Variants in UPK1B observed in about 807,000 individuals in gnomAD.
UPK1B encodes uroplakin 1B, also known as uroplakin-1b.
Under a neutral mutation model 34.2 loss-of-function variants are expected in UPK1B, and 28 were observed. That is an observed-to-expected ratio of 0.82 (90% confidence interval 0.61 to 1.12). The LOEUF (loss-of-function observed/expected upper bound fraction) is 1.12. UPK1B is among the 50% of genes most tolerant of loss of function. UPK1B has a pLI of 0.00. For missense variants in UPK1B, 325 were observed against 320.9 expected (o/e 1.01, Z -0.10); for synonymous variants, 81 against 110.4 (o/e 0.73, Z 1.67).
intron 5 of UPK1B, 45 bp from the exon 6 acceptor site, chr3:119,194,174 G>A (rs2078056247): frequency 6.3e-7 from 1 of 1,598,486 alleles, no homozygotes; most frequent in South Asian, 1.1e-5. Flanking sequence ...GATGGCTCTA[G>A]TAGGGACCAC....
In UPK1B at chr3:119,203,980, G is replaced by A. The variant is rs768673308; in HGVS notation, c.*13G>A. 1.2e-5 allele frequency: 19 copies of A among 1,613,448 alleles called. No individual in the cohort carries two copies. The highest frequency in any genetic ancestry group is 1.6e-5 in the Non-Finnish European group (19 of 1,179,892). On this transcript the variant is annotated 3_prime_UTR_variant, in exon 8 of 8. Transcript: ENST00000264234. Reference sequence around the variant, plus strand: ...AATTGAATATTAAGCATAAAGTGTTGCCACCATACCTCCTTCCCCGAGTGA... The same window carrying A: ...AATTGAATATTAAGCATAAAGTGTTACCACCATACCTCCTTCCCCGAGTGA...
intron 2 of UPK1B, among the ~76,000 whole-genome samples, chr3:119,187,465 G>A (rs1444563489): frequency 6.6e-6 from 1 of 152,212 alleles, no homozygotes; most frequent in Non-Finnish European, 1.5e-5. Context: ...TGTGGGTCAT[G>A]ACATGGGGGC....
chr3:119,185,808 G>A (rs2078015262), intron 1 of UPK1B, among the ~76,000 whole-genome samples: 1 of 152,194 alleles, frequency 6.6e-6, no homozygotes, highest in Non-Finnish European at 1.5e-5. Flanking sequence ...AAGCCCAAGT[G>A]ATTGACCCAC....
chr3:119,203,994 T>C lies in UPK1B; in HGVS notation c.*27T>C, dbSNP rs2078107358. ...CATAAAGTGTTGCCACCATACCTCC[T>C]TCCCCGAGTGACTCTGGATTTGGTG... is the stretch of plus-strand genomic sequence containing the variant. On this transcript the variant is annotated 3_prime_UTR_variant, in exon 8 of 8. Transcript: ENST00000264234. The C allele has an allele frequency of 6.2e-7, 1 of 1,611,616 alleles. No homozygotes were observed. Among genetic ancestry groups the C allele is most frequent in the South Asian group, 1.1e-5 (1 of 91,044 alleles).
intron 2 of UPK1B, 41 bp downstream of exon 2, chr3:119,186,851 T>C (rs1559901665): frequency 6.3e-7 from 1 of 1,581,660 alleles, no homozygotes; most frequent in Non-Finnish European, 8.7e-7. Context: ...GCACTTCCTG[T>C]AATCATAATT....
Position 119,190,269 on chromosome 3 carries a change from T to G in UPK1B, c.295T>G (p.Tyr99Asp), listed in dbSNP as rs751501521. ...GTATTTCATTCTGATGTTTATAGTA[T>G]ATGCCTTTGAAGTGGCATCTTGTAT... is the stretch of plus-strand genomic sequence containing the variant. ...LAYFILMFIV[Y>D]AFEVASCITA... Residue 99 changes from tyrosine (Y) to aspartate (D), a missense_variant, in exon 4 of 8, where the codon TAT (tyrosine) becomes GAT (aspartate). Transcript: ENST00000264234. 8 of 1,612,242 alleles carry G rather than the reference T, an allele frequency of 5.0e-6. No individual in the cohort carries two copies. Among genetic ancestry groups the G allele is most frequent in the Non-Finnish European group, 6.8e-6 (8 of 1,178,752 alleles).
intron 1 of UPK1B, among the ~76,000 whole-genome samples, chr3:119,184,459 C>T (rs910930312): frequency 2.0e-5 from 3 of 151,988 alleles, no homozygotes; most frequent in African/African-American, 7.3e-5. Flanking sequence ...GTGGCTCACG[C>T]CTGTAATCCC....
chr3:119,192,568 C>A (rs1051757739), intron 5 of UPK1B, among the ~76,000 whole-genome samples: 1 of 152,048 alleles, frequency 6.6e-6, no homozygotes, highest in African/African-American at 2.4e-5. Context: ...CTCTTCTCAC[C>A]CTCCCTCTCA....
rs748323663 is a variant in UPK1B, at chr3:119,199,265, T to C, written c.732+125T>C. On this transcript the variant is annotated intron_variant, in intron 7 of 7. Coordinates refer to ENST00000264234, the MANE Select transcript of UPK1B (RefSeq NM_006952.4). ...ACAAAACCTCAGGCCTGAAGGCTAG[T>C]CAGGAAACTTCTGGCACCGGAAGAA... is the stretch of plus-strand genomic sequence containing the variant. 6 of 1,060,896 alleles carry C rather than the reference T, an allele frequency of 5.7e-6. No individual in the cohort carries two copies. The Admixed American group carries it at 1.5e-4, about 26-fold the overall frequency. The allele number at this position is 1,060,896 out of a possible 1,614,324, so 65.7% of individuals were successfully genotyped here.
At chr3:119,178,700 A>T (rs1559899834) in intron 1 of UPK1B, among the ~76,000 whole-genome samples, 1 of 152,228 alleles carries the variant, frequency 6.6e-6, no homozygotes, top group African/African-American at 2.4e-5. Flanking sequence ...TTAAAATCAC[A>T]AATTTTTATA....
chr3:119,183,327 T>C (rs1473813100), intron 1 of UPK1B, among the ~76,000 whole-genome samples: 2 of 150,040 alleles, frequency 1.3e-5, no homozygotes, highest in Non-Finnish European at 3.0e-5. Context: ...AGTGGCCCAA[T>C]CATGGCTCAC....
At chr3:119,185,796 A>T (rs2078015224) in intron 1 of UPK1B, among the ~76,000 whole-genome samples, 1 of 152,242 alleles carries the variant, frequency 6.6e-6, no homozygotes, top group Admixed American at 6.5e-5. Context: ...CTTCAAGTGC[A>T]GAAGCCCAAG....
In UPK1B at chr3:119,195,120, C is replaced by T. The variant is rs896946144; in HGVS notation, c.648+722C>T. On this transcript the variant is annotated intron_variant, in intron 6 of 7. Transcript: ENST00000264234. ...ACTAATAAATACCTTGCTGAGGTCA[C>T]ACAACTAGTAAATGTCCGTCTTTTC... 2.6e-5 allele frequency among the ~76,000 whole-genome samples: 4 copies of T among 152,298 alleles called. No homozygotes were observed. In the East Asian group the frequency reaches 7.7e-4, roughly 29 times the overall value.
chr3:119,179,474 C>T lies in UPK1B; in HGVS notation c.-29+5836C>T, dbSNP rs142289008. Among the ~76,000 whole-genome samples, 571 of 128,964 alleles carry T rather than the reference C, an allele frequency of 4.4e-3. 13 individuals are homozygous for T. Among genetic ancestry groups the T allele is most frequent in the Non-Finnish European group, 6.3e-3 (387 of 61,702 alleles). 84.6% of individuals were successfully genotyped at this position (128,964 alleles called of 152,430 possible). A position where few individuals can be genotyped will look rare whatever the true frequency, so the allele number is the denominator to read the frequency against. ...CGAAATCTATACAGCAGGTGGGCAA[C>T]CTGAAAATTTGGGGAAGAGTTGATG... On this transcript the variant is annotated intron_variant, in intron 1 of 7. Transcript: ENST00000264234.
intron 1 of UPK1B, among the ~76,000 whole-genome samples, chr3:119,179,527 T>TTTTTTTTTG (rs1553741698): frequency 7.6e-6 from 1 of 131,568 alleles, no homozygotes; most frequent in South Asian, 2.4e-4. Context: ...TTTTTTTTTT[T>TTTTTTTTTG]GAGACGGAGT....
At chr3:119,182,431 T>C (rs2077993784) in intron 1 of UPK1B, among the ~76,000 whole-genome samples, 1 of 152,236 alleles carries the variant, frequency 6.6e-6, no homozygotes, top group Non-Finnish European at 1.5e-5. Context: ...TAATTAATAG[T>C]TTCTTATATG....
chr3:119,190,973 C>CT lies in UPK1B; in HGVS notation c.346-8dup. On this transcript the variant is annotated splice_polypyrimidine_tract_variant and intron_variant, in intron 4 of 7. Transcript: ENST00000264234. ...TCTCTCCCTCTTGTGTTGCCTCTTCCTACTATAGTTCACACCCAACCTCTT... is the reference window on the plus strand; with the variant it reads ...TCTCTCCCTCTTGTGTTGCCTCTTCCTTACTATAGTTCACACCCAACCTCTT... 1 of 1,613,564 alleles carries CT rather than the reference C, an allele frequency of 6.2e-7. No homozygotes were observed. Among genetic ancestry groups the CT allele is most frequent in the Non-Finnish European group, 8.5e-7 (1 of 1,179,696 alleles).
chr3:119,181,881 G>A (rs770924629), intron 1 of UPK1B, among the ~76,000 whole-genome samples: 2 of 152,182 alleles, frequency 1.3e-5, no homozygotes, highest in Non-Finnish European at 2.9e-5. Flanking sequence ...AGGAAAGAAT[G>A]CAAAAGGGCA....
intron 1 of UPK1B, among the ~76,000 whole-genome samples, chr3:119,184,718 T>G (rs2107429082): frequency 6.6e-6 from 1 of 152,174 alleles, no homozygotes; most frequent in South Asian, 2.1e-4. Context: ...AGAGCAAGAC[T>G]CTGTCTCAAA....
Sources: gnomAD v4.1 joint callset for allele counts (sites outside exome capture counted in the v4.1 genomes callset) on GRCh38, gnomAD v4.1.1 for gene constraint, MANE v1.5 for transcripts, NCBI Gene and HGNC (gene_info 2026-07-23, HGNC 2026-07-21) for gene names.